The following GALNT17 variants were observed in gnomAD, a reference collection of about 807,000 sequenced individuals.
GALNT17 encodes the protein polypeptide N-acetylgalactosaminyltransferase 17.
Under a neutral mutation model 63.7 loss-of-function variants are expected in GALNT17, and 29 were observed. The observed-to-expected ratio is 0.46, with a 90% confidence interval of 0.34 to 0.62. The LOEUF is 0.62. Ranked by LOEUF, GALNT17 falls within the 20% of genes least tolerant of loss-of-function variation. The pLI is 0.01. For missense variants in GALNT17, 603 were observed against 799.6 expected, an observed-to-expected ratio of 0.75 and a Z score of 2.97; for synonymous variants, 305 against 318.3, an observed-to-expected ratio of 0.96 and a Z score of 0.45.
intron 6 of GALNT17, among the ~76,000 whole-genome samples, chr7:71,649,255 G>C (rs1790721970): frequency 6.6e-6 from 1 of 152,028 alleles, no homozygotes; most frequent in Non-Finnish European, 1.5e-5. Flanking sequence ...CTTGAGTGAG[G>C]GATTCTCACA....
intron 5 of GALNT17, among the ~76,000 whole-genome samples, chr7:71,511,021 A>C (rs1788346491): frequency 6.6e-6 from 1 of 152,016 alleles, no homozygotes; most frequent in East Asian, 1.9e-4. Flanking sequence ...AATAATAATA[A>C]TAATGATAGA....
At chr7:71,280,692 G>T (rs1472947483) in intron 1 of GALNT17, among the ~76,000 whole-genome samples, 1 of 152,208 alleles carries the variant, frequency 6.6e-6, no homozygotes, top group Non-Finnish European at 1.5e-5. Flanking sequence ...GCTGTCTCCA[G>T]TGTGATAGAT....
intron 6 of GALNT17, among the ~76,000 whole-genome samples, chr7:71,583,128 C>G (rs1789661007): frequency 1.3e-5 from 2 of 152,092 alleles, no homozygotes; most frequent in Non-Finnish European, 2.9e-5. Flanking sequence ...ATGTGGGTTT[C>G]TGAATTTCTC....
At chr7:71,710,962 G>A in intron 10 of GALNT17, 34 bp downstream of exon 10, 1 of 1,606,182 alleles carries the variant, frequency 6.2e-7, no homozygotes, top group African/African-American at 1.3e-5. Flanking sequence ...AGCACCCAGA[G>A]TAGCTGCAAG....
chr7:71,391,066 A>C (rs913910801), intron 3 of GALNT17, among the ~76,000 whole-genome samples: 1 of 152,178 alleles, frequency 6.6e-6, no homozygotes, highest in Non-Finnish European at 1.5e-5. Flanking sequence ...GACTCTCTGA[A>C]CTGGGTGGGA....
At chr7:71,325,771 T>C (rs995527412) in intron 1 of GALNT17, among the ~76,000 whole-genome samples, 1 of 152,170 alleles carries the variant, frequency 6.6e-6, no homozygotes, top group African/African-American at 2.4e-5. Flanking sequence ...CTGGGTTCTG[T>C]GTGAGATGGA....
intron 5 of GALNT17, among the ~76,000 whole-genome samples, chr7:71,453,202 T>A (rs1787297479): frequency 6.6e-6 from 1 of 152,168 alleles, no homozygotes; most frequent in Non-Finnish European, 1.5e-5. Context: ...CTAACCAGAT[T>A]TCATTTGGAA....
At chr7:71,276,992 C>T (rs369434917) in intron 1 of GALNT17, among the ~76,000 whole-genome samples, 18 of 152,166 alleles carry the variant, frequency 1.2e-4, no homozygotes, top group African/African-American at 4.3e-4. Flanking sequence ...AGCAAGACTC[C>T]ATCTCAAAAA....
intron 1 of GALNT17, among the ~76,000 whole-genome samples, chr7:71,320,305 C>T (rs1171791715): frequency 2.0e-5 from 3 of 151,908 alleles, no homozygotes; most frequent in African/African-American, 7.3e-5. Flanking sequence ...GGCACAATCA[C>T]AGTTCACTTC....
chr7:71,698,848 T>G (rs1355000581), intron 9 of GALNT17, among the ~76,000 whole-genome samples: 1 of 152,126 alleles, frequency 6.6e-6, no homozygotes, highest in Non-Finnish European at 1.5e-5. Context: ...AAACTCCAGC[T>G]GTATTCCATT....
chr7:71,196,740 G>A (rs2116353078), intron 1 of GALNT17, among the ~76,000 whole-genome samples: 1 of 152,176 alleles, frequency 6.6e-6, no homozygotes, highest in East Asian at 1.9e-4. Flanking sequence ...TGCAACCTCT[G>A]CTTCCCAGGC....
chr7:71,190,099 T>C (rs549509651), intron 1 of GALNT17, among the ~76,000 whole-genome samples: 13 of 152,230 alleles, frequency 8.5e-5, no homozygotes, highest in Middle Eastern at 3.4e-3. Flanking sequence ...GCATGAGCCA[T>C]AGCACCTGGC....
intron 6 of GALNT17, among the ~76,000 whole-genome samples, chr7:71,616,341 A>G (rs148318685): frequency 6.6e-5 from 10 of 151,678 alleles, no homozygotes; most frequent in Admixed American, 2.0e-4. Flanking sequence ...TCGCTCCTCA[A>G]CCTCACCTTT....
intron 5 of GALNT17, among the ~76,000 whole-genome samples, chr7:71,508,356 A>AAT (rs1788299503): frequency 1.3e-5 from 2 of 152,190 alleles, no homozygotes; most frequent in Non-Finnish European, 2.9e-5. Context: ...ATATTAGAGC[A>AAT]ATTTGGCATC....
intron 2 of GALNT17, among the ~76,000 whole-genome samples, chr7:71,379,691 C>T (rs1256224452): frequency 6.6e-6 from 1 of 152,062 alleles, no homozygotes; most frequent in African/African-American, 2.4e-5. Context: ...TCAGCAAAGA[C>T]AGGGTGGTAC....
chr7:71,264,894 A>G (rs767216633), intron 1 of GALNT17, among the ~76,000 whole-genome samples: 5 of 151,406 alleles, frequency 3.3e-5, no homozygotes, highest in Non-Finnish European at 7.4e-5. Flanking sequence ...GTTAGAAGGA[A>G]TACATTCTAA....
chr7:71,221,030 T>G (rs1395043490), intron 1 of GALNT17, among the ~76,000 whole-genome samples: 1 of 152,182 alleles, frequency 6.6e-6, no homozygotes, highest in African/African-American at 2.4e-5. Flanking sequence ...GCTGTGTGCA[T>G]GCTGGGCGCT....
intron 5 of GALNT17, among the ~76,000 whole-genome samples, chr7:71,423,882 T>A (rs2960865): frequency 0.77 from 117,841 of 152,078 alleles, 45,964 homozygotes; most frequent in African/African-American, 0.83. Context: ...TGATCACTCC[T>A]CTGCACTCCA....
At chr7:71,329,398 A>G (rs1791762342) in intron 1 of GALNT17, among the ~76,000 whole-genome samples, 1 of 152,186 alleles carries the variant, frequency 6.6e-6, no homozygotes, top group African/African-American at 2.4e-5. Context: ...TGACCTATAT[A>G]TGTCAGGCTG....
Sources: allele counts gnomAD v4.1 joint callset (sites outside exome capture counted in the v4.1 genomes callset), GRCh38; gene constraint gnomAD v4.1.1; transcripts MANE v1.5; gene names NCBI Gene and HGNC (gene_info 2026-07-23, HGNC 2026-07-21).